The following CD207 variants were observed in gnomAD, a reference collection of about 807,000 sequenced individuals.
The protein encoded by CD207 is C-type lectin domain family 4 member K.
CD207 carries 28 observed loss-of-function variants against 31.6 expected under a neutral mutation model. The observed-to-expected ratio is 0.89, with a 90% CI of 0.66 to 1.21. CD207 has a LOEUF of 1.21. CD207 is among the 50% of genes most tolerant of loss of function. The probability of loss-of-function intolerance (pLI) is 0.00; values close to 1 mark genes in which losing one functional copy is unlikely to be tolerated. For synonymous variants in CD207, 168 were observed against 153.9 expected (o/e 1.09, Z -0.68); for missense variants, 388 against 397.8 (o/e 0.98, Z 0.21).
Position 70,835,597 on chromosome 2 carries a change from G to C in CD207, c.84C>G (p.Pro28=), listed in dbSNP as rs782078673. ...NISLWPREPP[P]KSGPSLVPGK... ...CCGGGACCAGAGATGGACCGGACTT[G>C]GGAGGAGGCTCTGTTGGAAGAAGAA... Residue 28 remains proline, a synonymous_variant, in exon 2 of 6, where the codon CCC becomes CCG. Coordinates refer to ENST00000410009, the MANE Select transcript of CD207 (RefSeq NM_015717.5). 5 of 1,613,820 alleles carry C rather than the reference G, an allele frequency of 3.1e-6. No individual in the cohort carries two copies. The Admixed American group carries it at 8.3e-5, about 27-fold the overall frequency.
At chr2:70,830,177 C>A (rs1677432562), downstream of CD207, 1 of 152,188 alleles carries the variant, frequency 6.6e-6, no homozygotes, top group African/African-American at 2.4e-5. Context: ...CACATATTCA[C>A]CTGGACAACC....
chr2:70,831,083 A>C lies in CD207; in HGVS notation c.954T>G (p.Ile318Met). ...CTGATGGGACATAGGGTCGCTTACA[A>C]ATGAAAAGAAACGTTTTGTCACATG... ...DAPCDKTFLF[I>M]CKRPYVPSEP Residue 318 changes from isoleucine to methionine, a missense_variant, in exon 6 of 6, where the codon ATT (isoleucine) becomes ATG (methionine). Transcript: ENST00000410009. The C allele has an allele frequency of 6.2e-7, 1 of 1,613,876 alleles. No homozygotes were observed. The highest frequency in any genetic ancestry group is 8.5e-7 in the Non-Finnish European group (1 of 1,179,858).
chr2:70,825,592 A>G (rs1454393666), downstream of CD207, among the ~76,000 whole-genome samples: 5 of 152,162 alleles, frequency 3.3e-5, no homozygotes, highest in Non-Finnish European at 5.9e-5. Flanking sequence ...AGGCTGGAGT[A>G]CAGTGGCGTG....
At chr2:70,828,596 C>T (rs35893929), downstream of CD207, among the ~76,000 whole-genome samples, 8,707 of 152,274 alleles carry the variant, frequency 0.057, 447 homozygotes, top group Non-Finnish European at 0.081. Flanking sequence ...GCCCTTCAGG[C>T]TGCCCTCCGG....
chr2:70,832,896 T>C lies in CD207; in HGVS notation c.717+4A>G. 2 of 1,612,494 alleles carry C rather than the reference T, an allele frequency of 1.2e-6. No individual in the cohort carries two copies. The highest frequency in any genetic ancestry group is 2.2e-5 in the South Asian group (2 of 90,876). On this transcript the variant is annotated splice_donor_region_variant and intron_variant, in intron 4 of 5. Transcript: ENST00000410009. ...TTCACAGAGCCCATAGGCACAGCAC[T>C]CACCTGCTCACTCTCTGAGGTCACC... is the stretch of plus-strand genomic sequence containing the variant.
At chr2:70,833,121 C>A in intron 3 of CD207, 70 bp from the exon 4 acceptor site, 1 of 1,489,142 alleles carries the variant, frequency 6.7e-7, no homozygotes, top group Non-Finnish European at 9.3e-7. Flanking sequence ...GGTGGGGGCA[C>A]TTGAATGAGG....
chr2:70,833,679 A>G lies in CD207; in HGVS notation c.532T>C (p.Leu178=). ...NTKIRALQGS[L]ENMSKLLKRQ... ...TTGAGCAACTTGCTCATATTCTCCA[A>G]GCTGCCCTGGAGTGCCCGGATCTTT... Residue 178 remains leucine (L), a synonymous_variant, in exon 3 of 6, where the codon TTG becomes CTG. Coordinates refer to ENST00000410009, the MANE Select transcript of CD207 (RefSeq NM_015717.5). 1 of 1,612,934 alleles carries G rather than the reference A, an allele frequency of 6.2e-7. No individual in the cohort carries two copies. The highest frequency in any genetic ancestry group is 2.2e-5 in the East Asian group (1 of 44,862).
chr2:70,828,383 G>A (rs1367023605), downstream of CD207, among the ~76,000 whole-genome samples: 2 of 152,226 alleles, frequency 1.3e-5, no homozygotes, highest in Admixed American at 6.5e-5. Flanking sequence ...GGAAGCCAAG[G>A]CAATGCTGCA....
chr2:70,829,498 G>T (rs1553399328), downstream of CD207, among the ~76,000 whole-genome samples: 1 of 152,174 alleles, frequency 6.6e-6, no homozygotes, highest in Non-Finnish European at 1.5e-5. Flanking sequence ...AGTTTCTCAG[G>T]CTGGCAGAGA....
rs1677437351 is a variant in CD207, at chr2:70,830,423, G to C, written c.*627C>G. On this transcript the variant is annotated 3_prime_UTR_variant, in exon 6 of 6. Coordinates refer to ENST00000410009, the MANE Select transcript of CD207 (RefSeq NM_015717.5). ...GTGTACTAAGGGAGTGGAAGGAGAA[G>C]GGAGGCTGGGTGCCAGCCGAGCTCT... The C allele has an allele frequency of 6.6e-6, 1 of 152,578 alleles. No homozygotes were observed. Among genetic ancestry groups the C allele is most frequent in the Non-Finnish European group, 1.5e-5 (1 of 68,334 alleles). The allele number at this position is 152,578 out of a possible 1,614,324, so 9.5% of individuals were successfully genotyped here.
downstream of CD207, among the ~76,000 whole-genome samples, chr2:70,826,124 A>G (rs908814208): frequency 1.3e-5 from 2 of 152,130 alleles, no homozygotes; most frequent in African/African-American, 4.8e-5. Context: ...CTCCAACCTG[A>G]GTGGCAAAGG....
chr2:70,833,643 T>C lies in CD207; in HGVS notation c.565+3A>G, dbSNP rs781989387. On this transcript the variant is annotated splice_donor_region_variant and intron_variant, in intron 3 of 5. Transcript: ENST00000410009. Reference sequence around the variant, plus strand: ...CTTCAATGTAATTTTCTGAGTCACTTACTTTGTCGTTTGAGCAACTTGCTC... The same window carrying C: ...CTTCAATGTAATTTTCTGAGTCACTCACTTTGTCGTTTGAGCAACTTGCTC... 1.2e-6 allele frequency: 2 copies of C among 1,605,362 alleles called. No homozygotes were observed. Among genetic ancestry groups the C allele is most frequent in the South Asian group, 2.2e-5 (2 of 89,886 alleles).
Position 70,830,979 on chromosome 2 carries a change from G to C in CD207, c.*71C>G, listed in dbSNP as rs568266745. The C allele has an allele frequency of 8.5e-6, 12 of 1,417,466 alleles. No homozygotes were observed. In the South Asian group the frequency reaches 1.2e-4, roughly 14 times the overall value. The allele number at this position is 1,417,466 out of a possible 1,614,324, so 87.8% of individuals were successfully genotyped here. On this transcript the variant is annotated 3_prime_UTR_variant, in exon 6 of 6. Coordinates refer to ENST00000410009, the MANE Select transcript of CD207 (RefSeq NM_015717.5). ...CGTGCAAAGTCATCCTGGAGTCTGG[G>C]GAAGAAAGAGGCATTTCCTCATGTT...
chr2:70,831,324 G>A, intron 5 of CD207, 124 bp from the exon 6 acceptor site: 1 of 940,766 alleles, frequency 1.1e-6, no homozygotes. Context: ...GCAAATGTCT[G>A]CACCCAAGCC....
At chr2:70,830,186 C>T (rs1309827785), downstream of CD207, 1 of 152,124 alleles carries the variant, frequency 6.6e-6, no homozygotes, top group African/African-American at 2.4e-5. Context: ...ACCTGGACAA[C>T]CAGAAATGAA....
chr2:70,831,096 G>A lies in CD207; in HGVS notation c.941C>T (p.Thr314Met), dbSNP rs141388306. The change falls in exon 6 of 6, where the codon ACG becomes ATG. Residue 314 changes from threonine (T) to methionine (M), a missense_variant. Thr to Met is a moderately conservative substitution (Grantham distance 81). Transcript: ENST00000410009. ...GGGTCGCTTACAAATGAAAAGAAAC[G>A]TTTTGTCACATGGGGCATCATTCCA... ...QAWNDAPCDKTFLFICKRPYV... is the reference protein window; with the variant it reads ...QAWNDAPCDKMFLFICKRPYV... The A allele has an allele frequency of 2.3e-4, 372 of 1,613,742 alleles. 2 individuals carry two copies. In the African/African-American group the frequency reaches 4.2e-3, roughly 18 times the overall value.
downstream of CD207, among the ~76,000 whole-genome samples, chr2:70,827,639 C>T (rs1363356223): frequency 3.3e-5 from 5 of 151,866 alleles, no homozygotes; most frequent in Non-Finnish European, 7.4e-5. Flanking sequence ...CACGTGTGTG[C>T]GCGCACACAC....
In CD207 at chr2:70,830,869, C is replaced by T. The variant is rs1677448310; in HGVS notation, c.*181G>A. On this transcript the variant is annotated 3_prime_UTR_variant, in exon 6 of 6. Transcript: ENST00000410009. The stretch of plus-strand genomic sequence containing the variant: ...TGAATTCTCCTTTCCATTCCAGCTG[C>T]CTCCAAGACGTCAGAGAATTTCCAG... The T allele has an allele frequency of 3.5e-6, 2 of 575,482 alleles. No homozygotes were observed. The highest frequency in any genetic ancestry group is 6.0e-6 in the Non-Finnish European group (2 of 330,752). 35.6% of individuals were successfully genotyped at this position (575,482 alleles called of 1,614,324 possible). A position where few individuals can be genotyped will look rare whatever the true frequency, so the allele number is the denominator to read the frequency against.
In CD207 at chr2:70,830,790, A is replaced by T; in HGVS notation, c.*260T>A. The T allele has an allele frequency of 2.5e-6, 1 of 402,456 alleles. No individual in the cohort carries two copies. The highest frequency in any genetic ancestry group is 4.5e-6 in the Non-Finnish European group (1 of 222,528). 24.9% of individuals were successfully genotyped at this position (402,456 alleles called of 1,614,324 possible). On this transcript the variant is annotated 3_prime_UTR_variant, in exon 6 of 6. Coordinates refer to ENST00000410009, the MANE Select transcript of CD207 (RefSeq NM_015717.5). ...CGGATTACGGGTCTTGATCCTCCTT[A>T]GCAGGGCAATTGGAACTTCTAAATC...
Sources: allele counts gnomAD v4.1 joint callset (sites outside exome capture counted in the v4.1 genomes callset), GRCh38; gene constraint gnomAD v4.1.1; transcripts MANE v1.5; gene names NCBI Gene and HGNC (gene_info 2026-07-23, HGNC 2026-07-21).